PIAS4: variants seen among roughly 807,000 people sequenced by gnomAD.
PIAS4 encodes protein inhibitor of activated STAT 4.
In PIAS4, 7 loss-of-function variants were observed where a neutral mutation model predicts 58.0. That is an observed-to-expected ratio of 0.12 (90% CI 0.07 to 0.23). The LOEUF is 0.23. PIAS4 is among the 10% of genes least tolerant of loss of function. The pLI, the probability that PIAS4 is intolerant of heterozygous loss-of-function variation, is 1.00. For synonymous variants in PIAS4, 364 were observed against 312.4 expected (o/e 1.17, Z -1.74); for missense variants, 550 against 709.5 (o/e 0.78, Z 2.55).
intron 3 of PIAS4, among the ~76,000 whole-genome samples, chr19:4,027,406 C>A (rs1344722804): frequency 6.6e-6 from 1 of 152,144 alleles, no homozygotes; most frequent in Non-Finnish European, 1.5e-5. Context: ...GCGTGTTGGT[C>A]CTTCGGTCTA....
intron 3 of PIAS4, 75 bp downstream of exon 3, chr19:4,024,195 CGG>C: frequency 2.7e-6 from 3 of 1,093,292 alleles, no homozygotes; most frequent in East Asian, 2.4e-5. Context: ...TGGGGAGAGC[CGG>C]CAGCCACGTC....
intron 1 of PIAS4, among the ~76,000 whole-genome samples, chr19:4,007,993 A>G (rs56079917): frequency 0.31 from 46,954 of 150,660 alleles, 7,841 homozygotes; most frequent in African/African-American, 0.41. Flanking sequence ...TGCCTCACCC[A>G]GGTCTTCGCG....
chr19:4,011,614 A>G (rs1332138678), intron 1 of PIAS4, among the ~76,000 whole-genome samples: 1 of 150,004 alleles, frequency 6.7e-6, no homozygotes, highest in Non-Finnish European at 1.5e-5. Flanking sequence ...TCCCCCAGGG[A>G]CTCAGGGCAA....
rs1480141280 is a variant in PIAS4, at chr19:4,036,099, TACAA to T, written c.1143-1271_1143-1268del. ...CACATCCGTACAGTCCACACCGTCATACAAACACACACACATCTATACAGTCCAC... is the reference window on the plus strand; with the variant it reads ...CACATCCGTACAGTCCACACCGTCATACACACACACATCTATACAGTCCAC... On this transcript the variant is annotated intron_variant, in intron 9 of 10. Coordinates refer to ENST00000262971, the MANE Select transcript of PIAS4 (RefSeq NM_015897.4). Among the ~76,000 whole-genome samples, 51 of 37,738 alleles carry T rather than the reference TACAA, an allele frequency of 1.4e-3. 2 individuals are homozygous for T. Among genetic ancestry groups the T allele is most frequent in the Admixed American group, 6.3e-3 (20 of 3,170 alleles). 24.8% of individuals were successfully genotyped at this position (37,738 alleles called of 152,430 possible).
intron 9 of PIAS4, among the ~76,000 whole-genome samples, chr19:4,036,291 C>CAT (rs1403401352): frequency 8.0e-6 from 1 of 125,604 alleles, no homozygotes; most frequent in African/African-American, 2.5e-5. Flanking sequence ...CACCGTCACA[C>CAT]ACACACACAT....
At chr19:4,025,296 C>T (rs1371571888) in intron 3 of PIAS4, among the ~76,000 whole-genome samples, 5 of 152,198 alleles carry the variant, frequency 3.3e-5, no homozygotes, top group Non-Finnish European at 7.4e-5. Flanking sequence ...CAGATGAGGA[C>T]GGTTGAACTG....
At position 4,037,812 on chromosome 19, in the gene PIAS4, C is replaced by G. The variant is rs763362345; in HGVS notation, c.1470C>G (p.Asp490Glu). The change falls in exon 11 of 11, where the codon GAC (aspartate) becomes GAG (glutamate). Residue 490 changes from aspartate (D) to glutamate (E), a missense_variant. This residue lies in a region of PIAS4 where 188 missense variants were observed against 192.0 expected (regional missense o/e 0.98). Transcript: ENST00000262971. This position sits in a 1 kb window ranked among gnomAD's most constrained non-coding sequence, Gnocchi z 5.8. ...EEEEEEEEDEDEEGPRPKRRC... is the reference protein window; with the variant it reads ...EEEEEEEEDEEEEGPRPKRRC... Reference sequence around the variant, plus strand: ...AGGAAGAGGAGGAGGAAGACGAGGACGAAGAGGGGCCCCGGCCCAAGCGCC... The same window carrying G: ...AGGAAGAGGAGGAGGAAGACGAGGAGGAAGAGGGGCCCCGGCCCAAGCGCC... The G allele has an allele frequency of 6.3e-7, 1 of 1,582,346 alleles. No homozygotes were observed. The highest frequency in any genetic ancestry group is 8.6e-7 in the Non-Finnish European group (1 of 1,164,892).
chr19:4,007,798 G>C lies in PIAS4; in HGVS notation c.27+11G>C. On this transcript the variant is annotated intron_variant, in intron 1 of 10. Transcript: ENST00000262971. ...CTGGTGGAGGCCAAAGTGAGTGAGC[G>C]GTGGCGGCGCCGGCCGGGGCAAGTG... is the stretch of plus-strand genomic sequence containing the variant. 8.2e-7 allele frequency: 1 copy of C among 1,212,556 alleles called. No individual in the cohort carries two copies. The highest frequency in any genetic ancestry group is 1.0e-6 in the Non-Finnish European group (1 of 969,928). 75.1% of individuals were successfully genotyped at this position (1,212,556 alleles called of 1,614,324 possible).
chr19:4,013,247 G>C lies in PIAS4; in HGVS notation c.352G>C (p.Gly118Arg), dbSNP rs759009184. Residue 118 changes from glycine (G) to arginine (R), a missense_variant, in exon 2 of 11, where the codon GGA becomes CGA. Transcript: ENST00000262971. This position sits in a 1 kb window ranked among gnomAD's most constrained non-coding sequence, Gnocchi z 5.1. Reference sequence around the variant, plus strand: ...CGTGCTCTACGGAAAGTACTTAAACGGACTGGGACGGTTGCCCGCCAAGAC... The same window carrying C: ...CGTGCTCTACGGAAAGTACTTAAACCGACTGGGACGGTTGCCCGCCAAGAC... Reference protein sequence around the residue: ...YPVLYGKYLNGLGRLPAKTLK... With the variant: ...YPVLYGKYLNRLGRLPAKTLK... The C allele has an allele frequency of 6.2e-7, 1 of 1,613,358 alleles. No homozygotes were observed. The highest frequency in any genetic ancestry group is 8.5e-7 in the Non-Finnish European group (1 of 1,179,984).
chr19:4,018,031 T>A (rs534132385), intron 2 of PIAS4, among the ~76,000 whole-genome samples: 1 of 152,334 alleles, frequency 6.6e-6, no homozygotes, highest in Admixed American at 6.5e-5. Context: ...AGGCTTGTCT[T>A]GAATTCCTAA....
intron 1 of PIAS4, among the ~76,000 whole-genome samples, chr19:4,010,505 A>G (rs1040149070): frequency 6.6e-6 from 1 of 152,262 alleles, no homozygotes; most frequent in Non-Finnish European, 1.5e-5. Context: ...CAAGGTAGGA[A>G]GTCAGGCCAA....
At chr19:4,009,433 G>C (rs2039972802) in intron 1 of PIAS4, among the ~76,000 whole-genome samples, 1 of 152,082 alleles carries the variant, frequency 6.6e-6, no homozygotes, top group African/African-American at 2.4e-5. Context: ...GTAACCTCCC[G>C]TTTCGGGGCT....
rs2040017535 is a variant in PIAS4 at position 4,013,298 on chromosome 19, A to G, written c.403A>G (p.Lys135Glu). 2.1e-5 allele frequency: 34 copies of G among 1,613,144 alleles called. No individual in the cohort carries two copies. The highest frequency in any genetic ancestry group is 2.9e-5 in the Non-Finnish European group (34 of 1,179,992). ...CCTCAAGCCAGAAGTCCGCCTGGTG[A>G]AGCTGCCGTTCTTTAATATGCTGGA... Reference protein sequence around the residue: ...KTLKPEVRLVKLPFFNMLDEL... With the variant: ...KTLKPEVRLVELPFFNMLDEL... The change falls in exon 2 of 11, where the codon AAG (lysine) becomes GAG (glutamate). Residue 135 changes from lysine (K) to glutamate (E), a missense_variant. This residue lies in a region of PIAS4 where 225 missense variants were observed against 345.8 expected (regional missense o/e 0.65). Transcript: ENST00000262971. This position sits in a 1 kb window ranked among gnomAD's most constrained non-coding sequence, Gnocchi z 5.1.
At position 4,037,896 on chromosome 19, in the gene PIAS4, T is replaced by C. The variant is rs1199709038; in HGVS notation, c.*21T>C. 4.5e-6 allele frequency: 7 copies of C among 1,565,892 alleles called. No homozygotes were observed. The highest frequency in any genetic ancestry group is 6.0e-6 in the Non-Finnish European group (7 of 1,161,944). ...GCTGACCCCGGCCGCACACTCGACTTTCCTGGTGCTCACCACGCAGAGGGG... is the reference window on the plus strand; with the variant it reads ...GCTGACCCCGGCCGCACACTCGACTCTCCTGGTGCTCACCACGCAGAGGGG... On this transcript the variant is annotated 3_prime_UTR_variant, in exon 11 of 11. Transcript: ENST00000262971. The surrounding 1 kb of genome is among the most constrained non-coding windows in gnomAD (Gnocchi z 5.8).
intron 9 of PIAS4, among the ~76,000 whole-genome samples, chr19:4,036,623 T>TCACA (rs1404234056): frequency 8.3e-6 from 1 of 121,208 alleles, no homozygotes; most frequent in Non-Finnish European, 1.7e-5. Context: ...GTCCACACCG[T>TCACA]CTCACATCTA....
intron 2 of PIAS4, among the ~76,000 whole-genome samples, chr19:4,020,968 C>G (rs1175796258): frequency 6.6e-6 from 1 of 152,138 alleles, no homozygotes; most frequent in African/African-American, 2.4e-5. Flanking sequence ...ATTCCTGATT[C>G]CTGGGTGATA....
intron 7 of PIAS4, 119 bp downstream of exon 7, chr19:4,029,155 C>T (rs1221619795): frequency 1.4e-6 from 1 of 703,618 alleles, no homozygotes; most frequent in Non-Finnish European, 2.4e-6. Flanking sequence ...CCGCCTGTCA[C>T]TCTGGGGGTC....
chr19:4,037,459 G>A lies in PIAS4; in HGVS notation c.1228G>A (p.Glu410Lys), dbSNP rs765883460. The A allele has an allele frequency of 3.7e-6, 6 of 1,611,418 alleles. No homozygotes were observed. Among genetic ancestry groups the A allele is most frequent in the African/African-American group, 1.3e-5 (1 of 74,910 alleles). The stretch of plus-strand genomic sequence containing the variant: ...CGGCTCGTGGTGCCCGATCCGCGCC[G>A]AAAAGGAGCGCAGCTGCAGCCCGCA... ...VDGSWCPIRA[E>K]KERSCSPQGA... Residue 410 changes from glutamate to lysine, a missense_variant, in exon 10 of 11, where the codon GAA becomes AAA. Physicochemically the swap from Glu to Lys is moderately conservative, Grantham distance 56. This residue lies in a region of PIAS4 where 188 missense variants were observed against 192.0 expected (regional missense o/e 0.98). Coordinates refer to ENST00000262971, the MANE Select transcript of PIAS4 (RefSeq NM_015897.4). The surrounding 1 kb of genome is among the most constrained non-coding windows in gnomAD (Gnocchi z 5.8).
chr19:4,009,294 C>T (rs903894770), intron 1 of PIAS4, among the ~76,000 whole-genome samples: 3 of 152,156 alleles, frequency 2.0e-5, no homozygotes, highest in Admixed American at 6.5e-5. Flanking sequence ...AACCCTACAC[C>T]CCTGCGCACA....
Sources: allele counts gnomAD v4.1 joint callset (sites outside exome capture counted in the v4.1 genomes callset), GRCh38; gene constraint gnomAD v4.1.1; regional missense constraint gnomAD v4.1.1; non-coding constraint Gnocchi (gnomAD v3.1); transcripts MANE v1.5; gene names NCBI Gene and HGNC (gene_info 2026-07-23, HGNC 2026-07-21).